Variants in F13B observed in about 807,000 individuals in gnomAD.
The protein encoded by F13B is coagulation factor XIII B chain, also known as TGase.
In F13B, 58 loss-of-function variants were observed where a neutral mutation model predicts 79.8. The ratio of observed to expected loss-of-function variants is 0.73; its 90% CI spans 0.59 to 0.90. The LOEUF (loss-of-function observed/expected upper bound fraction) is 0.90, where lower values mean the gene tolerates loss of function less well. F13B is among the 40% of genes least tolerant of loss of function. F13B has a pLI of 0.00. For synonymous variants in F13B, 283 were observed against 260.3 expected (o/e 1.09, Z -0.84); for missense variants, 773 against 777.0 (o/e 0.99, Z 0.06).
At chr1:197,041,183 A>G (rs1482201556) in intron 10 of F13B, among the ~76,000 whole-genome samples, 2 of 152,144 alleles carry the variant, frequency 1.3e-5, no homozygotes, top group South Asian at 2.1e-4. Flanking sequence ...TTTTATGGAA[A>G]TGTAGATTCT....
chr1:197,051,551 G>A (rs528788628), intron 9 of F13B, among the ~76,000 whole-genome samples: 1 of 152,058 alleles, frequency 6.6e-6, no homozygotes, highest in Non-Finnish European at 1.5e-5. Flanking sequence ...TCACAAGAAG[G>A]TGATCAATTC....
intron 2 of F13B, among the ~76,000 whole-genome samples, chr1:197,062,567 CT>C (rs1486381807): frequency 6.6e-6 from 1 of 152,198 alleles, no homozygotes; most frequent in African/African-American, 2.4e-5. Flanking sequence ...TTTCTTGTTA[CT>C]TAAAGTAAAT....
At chr1:197,060,266 G>GA (rs1450733809) in intron 5 of F13B, 100 bp downstream of exon 5, 55 of 834,332 alleles carry the variant, frequency 6.6e-5, no homozygotes, top group South Asian at 1.5e-4. Context: ...TAGGACTCAG[G>GA]AAAAAAAATA....
intron 1 of F13B, among the ~76,000 whole-genome samples, chr1:197,064,936 C>A (rs1340201905): frequency 6.6e-6 from 1 of 151,976 alleles, no homozygotes; most frequent in East Asian, 1.9e-4. Flanking sequence ...CTTAATGCTA[C>A]TATGAGACAT....
At chr1:197,059,781 A>G (rs1455471788) in intron 5 of F13B, among the ~76,000 whole-genome samples, 2 of 152,108 alleles carry the variant, frequency 1.3e-5, no homozygotes, top group African/African-American at 4.8e-5. Flanking sequence ...CTCATATTAA[A>G]TTGTAGGTTT....
At chr1:197,062,058 T>C in intron 2 of F13B, 89 bp from the exon 3 acceptor site, 3 of 1,117,784 alleles carry the variant, frequency 2.7e-6, no homozygotes, top group Non-Finnish European at 3.9e-6. Context: ...ATAATGTTAT[T>C]ATTGGCGATT....
intron 1 of F13B, among the ~76,000 whole-genome samples, 174 bp downstream of exon 1, chr1:197,066,986 T>C (rs1306320315): frequency 6.6e-6 from 1 of 152,060 alleles, no homozygotes; most frequent in Admixed American, 6.6e-5. Flanking sequence ...TAAGAACACT[T>C]TACTAATTTT....
chr1:197,057,045 C>T lies in F13B; in HGVS notation c.1139G>A (p.Arg380His), dbSNP rs868256767. 35 of 1,613,544 alleles carry T rather than the reference C, an allele frequency of 2.2e-5. No homozygotes were observed. The highest frequency in any genetic ancestry group is 1.6e-4 in the Middle Eastern group (1 of 6,082). The change falls in exon 7 of 12, where the codon CGT (arginine) becomes CAT (histidine). Residue 380 changes from arginine (R) to histidine (H), a missense_variant. Coordinates refer to ENST00000367412, the MANE Select transcript of F13B (RefSeq NM_001994.3). ...CTCAGGAGGAAGTGTCCATTTTCCA[C>T]GATTACAAGTTATCTCATTCGATCC... is the stretch of plus-strand genomic sequence containing the variant. ...LHGSNEITCN[R>H]GKWTLPPECV...
rs751541424 is a variant in F13B, at chr1:197,050,687, T to C, written c.1738+10A>G. On this transcript the variant is annotated intron_variant, in intron 10 of 11. Coordinates refer to ENST00000367412, the MANE Select transcript of F13B (RefSeq NM_001994.3). Reference sequence around the variant, plus strand: ...TTTACTTTGTTAGAGGCATATTTAGTAGTACATACCTAAACACAATGGTGG... The same window carrying C: ...TTTACTTTGTTAGAGGCATATTTAGCAGTACATACCTAAACACAATGGTGG... The C allele has an allele frequency of 3.1e-6, 5 of 1,610,790 alleles. No homozygotes were observed. Among genetic ancestry groups the C allele is most frequent in the Non-Finnish European group, 4.2e-6 (5 of 1,177,502 alleles).
chr1:197,050,866 C>A lies in F13B; in HGVS notation c.1569G>T (p.Met523Ile). 1 of 1,612,870 alleles carries A rather than the reference C, an allele frequency of 6.2e-7. No homozygotes were observed. Among genetic ancestry groups the A allele is most frequent in the South Asian group, 1.1e-5 (1 of 91,058 alleles). The change falls in exon 10 of 12, where the codon ATG (methionine) becomes ATT (isoleucine). Residue 523 changes from methionine (M) to isoleucine (I), a missense_variant. Coordinates refer to ENST00000367412, the MANE Select transcript of F13B (RefSeq NM_001994.3). Reference protein sequence around the residue: ...PLCTRKESKGMCTSPPLIKHG... With the variant: ...PLCTRKESKGICTSPPLIKHG... ...GTTTAATAAGAGGAGGAGATGTGCACATTCCTTTAGATTCTGCAAAAATAA... is the reference window on the plus strand; with the variant it reads ...GTTTAATAAGAGGAGGAGATGTGCAAATTCCTTTAGATTCTGCAAAAATAA...
intron 10 of F13B, among the ~76,000 whole-genome samples, chr1:197,045,621 A>G (rs1434637626): frequency 6.6e-6 from 1 of 152,250 alleles, no homozygotes; most frequent in Non-Finnish European, 1.5e-5. Context: ...AACTATTCCA[A>G]TCAATAGAAA....
intron 10 of F13B, 22 bp from the exon 11 acceptor site, chr1:197,040,757 A>G (rs749655588): frequency 1.4e-5 from 22 of 1,544,752 alleles, no homozygotes; most frequent in Middle Eastern, 1.8e-4. Flanking sequence ...AATTTAAAAA[A>G]AAAGAAAGAA....
intron 7 of F13B, 141 bp from the exon 8 acceptor site, chr1:197,056,038 T>G: frequency 1.2e-6 from 1 of 832,592 alleles, no homozygotes; most frequent in Non-Finnish European, 1.8e-6. Flanking sequence ...AAAAATTTTT[T>G]CAGCTCAAAT....
intron 1 of F13B, among the ~76,000 whole-genome samples, 188 bp from the exon 2 acceptor site, chr1:197,063,245 G>A (rs536456577): frequency 3.0e-4 from 46 of 152,214 alleles, no homozygotes; most frequent in African/African-American, 1.0e-3. Flanking sequence ...ATCTGCAAAT[G>A]ACTTTAAACA....
At chr1:197,040,218 A>C in intron 11 of F13B, 1 of 316,786 alleles carries the variant, frequency 3.2e-6, no homozygotes, top group Non-Finnish European at 5.9e-6. Flanking sequence ...TTATCACAGA[A>C]CATATAGGTT....
Position 197,050,830 on chromosome 1 carries a change from A to G in F13B, c.1605T>C (p.Ile535=). ...CATAGGTGTCTACTGTTGAACTAAT[A>G]ATGACTCCATGTTTAATAAGAGGAG... ...TSPPLIKHGV[I]ISSTVDTYEN... The change falls in exon 10 of 12, where the codon ATT becomes ATC. Residue 535 remains isoleucine (I), a synonymous_variant. Coordinates refer to ENST00000367412, the MANE Select transcript of F13B (RefSeq NM_001994.3). 1.2e-6 allele frequency: 2 copies of G among 1,613,330 alleles called. No homozygotes were observed. The highest frequency in any genetic ancestry group is 1.7e-6 in the Non-Finnish European group (2 of 1,179,554).
intron 1 of F13B, 24 bp downstream of exon 1, chr1:197,067,136 A>C (rs1397099356): frequency 2.9e-6 from 4 of 1,383,478 alleles, no homozygotes; most frequent in Non-Finnish European, 4.1e-6. Context: ...TTAGAGAATA[A>C]AGAATATTAA....
intron 10 of F13B, among the ~76,000 whole-genome samples, chr1:197,041,392 C>T (rs1490836902): frequency 2.6e-5 from 4 of 152,042 alleles, no homozygotes; most frequent in African/African-American, 9.7e-5. Context: ...CACAAAAAAA[C>T]CTCTTCGATT....
intron 3 of F13B, 145 bp from the exon 4 acceptor site, chr1:197,061,220 G>A: frequency 2.0e-6 from 1 of 490,094 alleles, no homozygotes; most frequent in Non-Finnish European, 3.5e-6. Context: ...ATTTTTCTTT[G>A]CCTCTATTCT....
Sources: gnomAD v4.1 joint callset for allele counts (sites outside exome capture counted in the v4.1 genomes callset) on GRCh38, gnomAD v4.1.1 for gene constraint, MANE v1.5 for transcripts, NCBI Gene and HGNC (gene_info 2026-07-23, HGNC 2026-07-21) for gene names.